Variants in CNTNAP2 observed in about 807,000 individuals in gnomAD.
CNTNAP2 encodes contactin associated protein 2, also known as contactin-associated protein-like 2.
In CNTNAP2, 98 loss-of-function variants were observed where a neutral mutation model predicts 155.2. The ratio of observed to expected loss-of-function variants is 0.63; its 90% CI spans 0.54 to 0.75. CNTNAP2 has a LOEUF of 0.75. Among genes scored for constraint, CNTNAP2 ranks in the 30% least tolerant of loss-of-function variants. CNTNAP2 has a pLI of 0.00. For synonymous variants in CNTNAP2, 651 were observed against 631.2 expected, an observed-to-expected ratio of 1.03 and a Z score of -0.47; for missense variants, 1,727 against 1,688.1, an observed-to-expected ratio of 1.02 and a Z score of -0.40.
intron 1 of CNTNAP2, among the ~76,000 whole-genome samples, chr7:146,632,645 C>A (rs975876587): frequency 1.3e-5 from 2 of 151,914 alleles, no homozygotes; most frequent in Admixed American, 1.3e-4. Flanking sequence ...GTAACATTTA[C>A]AATCCAAAAC....
At chr7:146,219,421 G>A (rs1005103518) in intron 1 of CNTNAP2, among the ~76,000 whole-genome samples, 1 of 152,188 alleles carries the variant, frequency 6.6e-6, no homozygotes, top group Non-Finnish European at 1.5e-5. Context: ...TGTGTGGGCT[G>A]AGGTAACACT....
intron 1 of CNTNAP2, among the ~76,000 whole-genome samples, chr7:146,714,942 A>G (rs2129175975): frequency 6.6e-6 from 1 of 152,288 alleles, no homozygotes; most frequent in East Asian, 1.9e-4. Context: ...TTTCATCTGC[A>G]AAACAGGATT....
At position 148,106,493 on chromosome 7, in the gene CNTNAP2, G is replaced by GATAGATAGATATATATATATAT. The variant is rs1490418389; in HGVS notation, c.2384-11622_2384-11621insGATAGATATATATATATATATA. On this transcript the variant is annotated intron_variant, in intron 15 of 23. Transcript: ENST00000361727. ...CACTTCAGTGTACTGCACACTTTGA[G>GATAGATAGATATATATATATAT]ATATATATATATATATATATATATA... Among the ~76,000 whole-genome samples the GATAGATAGATATATATATATAT allele has an allele frequency of 6.8e-3, 852 of 124,860 alleles. 12 individuals carry two copies. Among genetic ancestry groups the GATAGATAGATATATATATATAT allele is most frequent in the African/African-American group, 0.017 (497 of 28,962 alleles). 81.9% of individuals were successfully genotyped at this position (124,860 alleles called of 152,430 possible).
intron 21 of CNTNAP2, among the ~76,000 whole-genome samples, chr7:148,362,842 T>C (rs552069674): frequency 7.9e-5 from 12 of 152,344 alleles, no homozygotes; most frequent in Non-Finnish European, 1.5e-4. Flanking sequence ...CTCCAACTTA[T>C]GATGGTGCAA....
At chr7:146,522,586 T>C (rs1168464082) in intron 1 of CNTNAP2, among the ~76,000 whole-genome samples, 1 of 151,748 alleles carries the variant, frequency 6.6e-6, no homozygotes, top group Non-Finnish European at 1.5e-5. Flanking sequence ...AATACTGAGG[T>C]AAAGGCCATG....
At chr7:147,067,289 CAAAAAAA>C (rs36080849) in intron 4 of CNTNAP2, among the ~76,000 whole-genome samples, 1 of 67,984 alleles carries the variant, frequency 1.5e-5, no homozygotes, top group Non-Finnish European at 2.7e-5. Flanking sequence ...GACTCCGTCT[CAAAAAAA>C]AAAAAAAAAA....
intron 1 of CNTNAP2, among the ~76,000 whole-genome samples, chr7:146,192,524 A>G (rs1798721480): frequency 6.6e-6 from 1 of 152,174 alleles, no homozygotes; most frequent in Non-Finnish European, 1.5e-5. Context: ...CAGGCAAGAG[A>G]GCATGTGCAG....
chr7:146,339,941 C>T (rs899727321), intron 1 of CNTNAP2, among the ~76,000 whole-genome samples: 3 of 151,992 alleles, frequency 2.0e-5, no homozygotes, highest in Non-Finnish European at 4.4e-5. Flanking sequence ...GAGGCCGAGG[C>T]GGGCGGATCA....
At position 146,380,990 on chromosome 7, in the gene CNTNAP2, G is replaced by A. The variant is rs544116151; in HGVS notation, c.97+264017G>A. On this transcript the variant is annotated intron_variant, in intron 1 of 23. Coordinates refer to ENST00000361727, the MANE Select transcript of CNTNAP2 (RefSeq NM_014141.6). ...ATTTTTTGTATTTTTAGTAGAGACAGGGTTTCACCGTGTTAGCCAGGATGG... is the reference window on the plus strand; with the variant it reads ...ATTTTTTGTATTTTTAGTAGAGACAAGGTTTCACCGTGTTAGCCAGGATGG... Among the ~76,000 whole-genome samples the A allele has an allele frequency of 2.6e-5, 4 of 151,022 alleles. No individual in the cohort carries two copies. The South Asian group carries it at 8.4e-4, about 32-fold the overall frequency.
intron 9 of CNTNAP2, among the ~76,000 whole-genome samples, chr7:147,301,442 A>G (rs532403603): frequency 1.1e-3 from 165 of 152,294 alleles, no homozygotes; most frequent in Middle Eastern, 0.01. Context: ...GTGAGATGTA[A>G]AAAATAAATC....
In CNTNAP2 at chr7:147,374,866, A is replaced by T. The variant is rs114228747; in HGVS notation, c.1499-20743A>T. 5.9e-3 allele frequency among the ~76,000 whole-genome samples: 897 copies of T among 152,100 alleles called. 6 individuals carry two copies. The highest frequency in any genetic ancestry group is 0.021 in the African/African-American group (855 of 41,508). ...GTTACTATACACTCAGTAATTTCAC[A>T]CATATTTACTCAGTTCATCCTTGAT... On this transcript the variant is annotated intron_variant, in intron 9 of 23. Transcript: ENST00000361727.
At chr7:146,193,787 C>T (rs554048876) in intron 1 of CNTNAP2, among the ~76,000 whole-genome samples, 3 of 152,212 alleles carry the variant, frequency 2.0e-5, no homozygotes, top group Admixed American at 2.0e-4. Flanking sequence ...AATGGGTTTT[C>T]CTTTTCTATT....
chr7:147,501,808 T>A (rs1267936200), intron 11 of CNTNAP2, among the ~76,000 whole-genome samples: 1 of 152,186 alleles, frequency 6.6e-6, no homozygotes, highest in Non-Finnish European at 1.5e-5. Flanking sequence ...TCCAGGAGCA[T>A]CTACATATAG....
At chr7:147,308,904 T>C (rs1174284045) in intron 9 of CNTNAP2, among the ~76,000 whole-genome samples, 4 of 152,192 alleles carry the variant, frequency 2.6e-5, no homozygotes, top group African/African-American at 9.7e-5. Context: ...TAAATTAAAA[T>C]TCCAATCAGT....
chr7:147,469,740 G>T (rs541046928), intron 10 of CNTNAP2, among the ~76,000 whole-genome samples: 2 of 151,688 alleles, frequency 1.3e-5, no homozygotes, highest in East Asian at 3.9e-4. Context: ...GGATGATCTC[G>T]ATCTCCTGAC....
chr7:147,299,179 C>T lies in CNTNAP2; in HGVS notation c.1349-962C>T, dbSNP rs549918394. Among the ~76,000 whole-genome samples the T allele has an allele frequency of 4.5e-4, 68 of 150,834 alleles. 2 individuals carry two copies. The South Asian group carries it at 0.014, about 31-fold the overall frequency. ...GGCCTTCACAGGGTCGAAGAAAGCC[C>T]CTCTGGCCCTCTTGGTTTTCTCTGC... On this transcript the variant is annotated intron_variant, in intron 8 of 23. Transcript: ENST00000361727.
chr7:146,702,816 G>T (rs926493119), intron 1 of CNTNAP2, among the ~76,000 whole-genome samples: 6 of 152,018 alleles, frequency 3.9e-5, no homozygotes, highest in African/African-American at 1.2e-4. Flanking sequence ...TCAGATGCTT[G>T]CTCTAACGAC....
chr7:148,029,996 C>T (rs2888547), intron 15 of CNTNAP2, among the ~76,000 whole-genome samples: 48,964 of 152,058 alleles, frequency 0.32, 9,553 homozygotes, highest in East Asian at 0.77. Flanking sequence ...ATCATACTCT[C>T]TGGTTGGAAA....
At chr7:146,760,173 A>C (rs193105187) in intron 1 of CNTNAP2, among the ~76,000 whole-genome samples, 47 of 152,248 alleles carry the variant, frequency 3.1e-4, no homozygotes, top group Middle Eastern at 6.8e-3. Flanking sequence ...TATTTTAATA[A>C]ATAAGGTAAA....
Sources: gnomAD v4.1 joint callset for allele counts (sites outside exome capture counted in the v4.1 genomes callset) on GRCh38, gnomAD v4.1.1 for gene constraint, MANE v1.5 for transcripts, NCBI Gene and HGNC (gene_info 2026-07-23, HGNC 2026-07-21) for gene names.